The following SLC39A14 variants were observed in gnomAD, a reference collection of about 807,000 sequenced individuals.
SLC39A14 encodes the protein solute carrier family 39 member 14.
SLC39A14 carries 19 observed loss-of-function variants against 45.5 expected under a neutral mutation model. That is an observed-to-expected ratio of 0.42 (90% CI 0.29 to 0.61). The LOEUF (loss-of-function observed/expected upper bound fraction) is 0.61, where lower values mean the gene tolerates loss of function less well. Among genes scored for constraint, SLC39A14 ranks in the 20% least tolerant of loss-of-function variants. The probability of loss-of-function intolerance (pLI) is 0.22; values close to 1 mark genes in which losing one functional copy is unlikely to be tolerated. For missense variants in SLC39A14, 447 were observed against 616.5 expected, an observed-to-expected ratio of 0.73 and a Z score of 2.91; for synonymous variants, 264 against 251.3, an observed-to-expected ratio of 1.05 and a Z score of -0.48.
chr8:22,403,932 AAAC>A (rs1218239047), intron 1 of SLC39A14, among the ~76,000 whole-genome samples: 2 of 151,864 alleles, frequency 1.3e-5, no homozygotes, highest in Non-Finnish European at 2.9e-5. Context: ...ACAAACAAAC[AAAC>A]AAACAAAAAC....
chr8:22,433,652 G>A (rs554327691), intron 8 of SLC39A14, among the ~76,000 whole-genome samples: 1 of 147,922 alleles, frequency 6.8e-6, no homozygotes, highest in Non-Finnish European at 1.5e-5. Flanking sequence ...GCCCACCTCA[G>A]CCTCCCAAGC....
chr8:22,387,386 C>T (rs1833848073), intron 1 of SLC39A14, among the ~76,000 whole-genome samples: 1 of 152,076 alleles, frequency 6.6e-6, no homozygotes, highest in Non-Finnish European at 1.5e-5. Context: ...AGCAGAAACG[C>T]TTTGTGGCAA....
chr8:22,403,009 C>T (rs1233674872), intron 1 of SLC39A14, among the ~76,000 whole-genome samples: 1 of 152,114 alleles, frequency 6.6e-6, no homozygotes, highest in Admixed American at 6.6e-5. Context: ...CAGAGTCTCG[C>T]TCTGCCGCCC....
At chr8:22,425,883 G>GTTTTTTTTT (rs72023394), downstream of SLC39A14, among the ~76,000 whole-genome samples, 10 of 140,956 alleles carry the variant, frequency 7.1e-5, no homozygotes, top group East Asian at 2.3e-4. Context: ...GCTCTAGATG[G>GTTTTTTTTT]TTTTTGTTTT....
chr8:22,400,676 T>C (rs1834805107), intron 1 of SLC39A14, among the ~76,000 whole-genome samples: 1 of 152,232 alleles, frequency 6.6e-6, no homozygotes, highest in Non-Finnish European at 1.5e-5. Context: ...TATATTCCAC[T>C]GAAGAGTGAT....
chr8:22,381,439 G>A (rs958037144), intron 1 of SLC39A14, among the ~76,000 whole-genome samples: 3 of 149,484 alleles, frequency 2.0e-5, no homozygotes, highest in African/African-American at 7.4e-5. Flanking sequence ...CCTGGCTAAT[G>A]TTTTGTATTT....
chr8:22,381,825 A>G (rs1833530063), intron 1 of SLC39A14, among the ~76,000 whole-genome samples: 1 of 152,200 alleles, frequency 6.6e-6, no homozygotes, highest in Non-Finnish European at 1.5e-5. Flanking sequence ...AATAAAAAAA[A>G]CAAATGAATA....
chr8:22,416,991 A>G (rs1835924586), intron 7 of SLC39A14, among the ~76,000 whole-genome samples: 1 of 152,204 alleles, frequency 6.6e-6, no homozygotes, highest in East Asian at 1.9e-4. Flanking sequence ...CCAAAGGCTC[A>G]GGTGCCTGGC....
chr8:22,413,276 A>T (rs1417719045), intron 4 of SLC39A14, among the ~76,000 whole-genome samples: 10 of 152,166 alleles, frequency 6.6e-5, no homozygotes, highest in Admixed American at 6.5e-4. Flanking sequence ...CTGAAATGTC[A>T]GTTGGCTCCC....
chr8:22,433,897 T>C (rs1275200790), exon 9 of SLC39A14: 1 of 379,856 alleles, frequency 2.6e-6, no homozygotes, highest in East Asian at 9.6e-5. Context: ...TTAGATGGAG[T>C]TTTGCTCTGT....
chr8:22,424,341 G>C (rs773341276), downstream of SLC39A14, among the ~76,000 whole-genome samples: 22 of 151,998 alleles, frequency 1.4e-4, no homozygotes, highest in South Asian at 1.0e-3. Flanking sequence ...GTTTTTCTTC[G>C]ACAACAGAAA....
intron 1 of SLC39A14, among the ~76,000 whole-genome samples, chr8:22,378,516 C>T (rs1833331589): frequency 6.6e-6 from 1 of 152,204 alleles, no homozygotes. Flanking sequence ...AGGGGCCACT[C>T]TCAGTTCCTA....
intron 3 of SLC39A14, chr8:22,410,007 C>T (rs762543092): frequency 4.3e-6 from 7 of 1,614,040 alleles, no homozygotes; most frequent in African/African-American, 4.0e-5. Context: ...TGGGAGTCCT[C>T]GTCCTGCCCT....
intron 3 of SLC39A14, 93 bp from the exon 4 acceptor site, chr8:22,411,944 A>G (rs1334525934): frequency 8.1e-7 from 1 of 1,237,858 alleles, no homozygotes; most frequent in East Asian, 2.6e-5. Flanking sequence ...TATCTGCTCC[A>G]CCTTCCTCCC....
intron 3 of SLC39A14, among the ~76,000 whole-genome samples, chr8:22,411,443 G>A (rs903574424): frequency 2.7e-4 from 41 of 152,240 alleles, no homozygotes; most frequent in Admixed American, 6.5e-5. Context: ...TGAATTAATC[G>A]TTCTCCATCC....
intron 2 of SLC39A14, 86 bp from the exon 3 acceptor site, chr8:22,408,224 C>T: frequency 1.6e-6 from 2 of 1,213,110 alleles, no homozygotes; most frequent in Admixed American, 4.4e-5. Context: ...TCTTTTTCCT[C>T]TGGGAAGGCT....
At chr8:22,414,964 T>C (rs990302184) in intron 5 of SLC39A14, 62 bp downstream of exon 5, 3 of 1,577,514 alleles carry the variant, frequency 1.9e-6, no homozygotes, top group African/African-American at 2.7e-5. Context: ...CAAACAATGT[T>C]GATGTATTGT....
At chr8:22,409,835 G>A in intron 3 of SLC39A14, 1 of 1,056,766 alleles carries the variant, frequency 9.5e-7, no homozygotes, top group Non-Finnish European at 1.4e-6. Flanking sequence ...ATGGGTTGGT[G>A]GATCTCAGTC....
At chr8:22,402,153 G>T (rs1033893580) in intron 1 of SLC39A14, among the ~76,000 whole-genome samples, 18 of 152,038 alleles carry the variant, frequency 1.2e-4, no homozygotes, top group Non-Finnish European at 8.8e-5. Flanking sequence ...AGGCGGAGGC[G>T]TGTGGGTCAC....
Sources: allele counts gnomAD v4.1 joint callset (sites outside exome capture counted in the v4.1 genomes callset), GRCh38; gene constraint gnomAD v4.1.1; transcripts MANE v1.5; gene names NCBI Gene and HGNC (gene_info 2026-07-23, HGNC 2026-07-21).